The following ABCG1 variants were observed in gnomAD, a reference collection of about 807,000 sequenced individuals.
ABCG1 encodes the protein ATP binding cassette subfamily G member 1.
Under a neutral mutation model 69.2 loss-of-function variants are expected in ABCG1, and 29 were observed. The ratio of observed to expected loss-of-function variants is 0.42; its 90% CI spans 0.31 to 0.57. ABCG1 has a LOEUF of 0.57. ABCG1 is among the 20% of genes least tolerant of loss of function. The pLI is 0.15. For missense variants in ABCG1, 718 were observed against 898.1 expected (o/e 0.80, Z 2.56); for synonymous variants, 370 against 374.8 (o/e 0.99, Z 0.15).
At position 42,219,335 on chromosome 21, in the gene ABCG1, A is replaced by G; in HGVS notation, c.42+31A>G. 1 of 1,577,110 alleles carries G rather than the reference A, an allele frequency of 6.3e-7. No individual in the cohort carries two copies. Among genetic ancestry groups the G allele is most frequent in the Non-Finnish European group, 8.6e-7 (1 of 1,162,508 alleles). On this transcript the variant is annotated intron_variant, in intron 1 of 14. Transcript: ENST00000398449. The surrounding 1 kb of genome is among the most constrained non-coding windows in gnomAD (Gnocchi z 5.3). ...TGAGCGCATCCTTCGTCCGCCGGGAACGGTTTTATTTTCAAGGAGAGCAGG... is the reference window on the plus strand; with the variant it reads ...TGAGCGCATCCTTCGTCCGCCGGGAGCGGTTTTATTTTCAAGGAGAGCAGG...
chr21:42,290,783 A>G (rs889382947), intron 11 of ABCG1, among the ~76,000 whole-genome samples: 2 of 151,990 alleles, frequency 1.3e-5, no homozygotes, highest in African/African-American at 4.8e-5. Context: ...ACGTTGATGC[A>G]GAGTTTCAGA....
chr21:42,219,314 C>G lies in ABCG1; in HGVS notation c.42+10C>G, dbSNP rs950586467. ...GGTCGGCACCGCCATGGTGAGTGAG[C>G]GCATCCTTCGTCCGCCGGGAACGGT... On this transcript the variant is annotated intron_variant, in intron 1 of 14. Transcript: ENST00000398449. The surrounding 1 kb of genome is among the most constrained non-coding windows in gnomAD (Gnocchi z 5.3). 3.1e-5 allele frequency: 50 copies of G among 1,597,372 alleles called. No individual in the cohort carries two copies. The highest frequency in any genetic ancestry group is 4.2e-5 in the Non-Finnish European group (49 of 1,175,156).
At chr21:42,280,904 A>T (rs1314244696) in intron 5 of ABCG1, among the ~76,000 whole-genome samples, 2 of 152,116 alleles carry the variant, frequency 1.3e-5, no homozygotes, top group East Asian at 3.9e-4. Context: ...CACGCCCCCC[A>T]CCCACCAGCC....
At chr21:42,201,459 G>A (rs1282978134) in intron 1 of ABCG1, 6 of 579,166 alleles carry the variant, frequency 1.0e-5, no homozygotes, top group Admixed American at 6.3e-5. Context: ...CATTCCTAAC[G>A]GGCCACGGAC....
upstream of ABCG1, among the ~76,000 whole-genome samples, chr21:42,217,601 G>A (rs982236623): frequency 7.3e-5 from 11 of 151,522 alleles, no homozygotes; most frequent in Non-Finnish European, 1.6e-4. Context: ...CCTGGCACCC[G>A]GGCAGTGGCA....
intron 2 of ABCG1, among the ~76,000 whole-genome samples, chr21:42,243,766 T>C (rs2068089680): frequency 6.7e-6 from 1 of 150,298 alleles, no homozygotes; most frequent in African/African-American, 2.4e-5. Context: ...AGTTTCTATC[T>C]AAACTAGTAA....
rs2069222268 is a variant in ABCG1 at position 42,296,871 on chromosome 21, T to A, written c.*479T>A. 6.0e-6 allele frequency: 1 copy of A among 168,034 alleles called. No homozygotes were observed. The highest frequency in any genetic ancestry group is 2.4e-5 in the African/African-American group (1 of 41,918). The allele number at this position is 168,034 out of a possible 1,614,324, so 10.4% of individuals were successfully genotyped here. ...CTGTTGTTTTTCACATTTTCATCTT[T>A]CTAAGGTGTGTCTCTTTTCCAATGA... On this transcript the variant is annotated 3_prime_UTR_variant, in exon 15 of 15. Coordinates refer to ENST00000398449, the MANE Select transcript of ABCG1 (RefSeq NM_016818.3). This position sits in a 1 kb window ranked among gnomAD's most constrained non-coding sequence, Gnocchi z 5.4.
chr21:42,225,952 G>T, intron 2 of ABCG1, 38 bp downstream of exon 2: 2 of 1,600,154 alleles, frequency 1.2e-6, no homozygotes, highest in Non-Finnish European at 1.7e-6. Flanking sequence ...AAGCTGGGAG[G>T]AGCCTCTGAA....
At chr21:42,271,209 G>T in intron 3 of ABCG1, 22 bp downstream of exon 3, 1 of 1,468,650 alleles carries the variant, frequency 6.8e-7, no homozygotes, top group Non-Finnish European at 9.1e-7. Context: ...TGCCCAGGGC[G>T]CAAAGTTCTC....
In ABCG1 at chr21:42,282,266, G is replaced by GC. The variant is rs779721859; in HGVS notation, c.589-3dup. 3.7e-6 allele frequency: 6 copies of GC among 1,609,834 alleles called. No homozygotes were observed. Among genetic ancestry groups the GC allele is most frequent in the Non-Finnish European group, 5.1e-6 (6 of 1,178,992 alleles). The stretch of plus-strand genomic sequence containing the variant: ...AGCTCCCAATGTCTCTCGTTCTGTT[G>GC]CCCCCAGGTCAAGGAGATACTGACA... On this transcript the variant is annotated splice_polypyrimidine_tract_variant and splice_region_variant and intron_variant, in intron 5 of 14. Coordinates refer to ENST00000398449, the MANE Select transcript of ABCG1 (RefSeq NM_016818.3).
intron 2 of ABCG1, among the ~76,000 whole-genome samples, chr21:42,203,301 A>G (rs1185788789): frequency 6.6e-6 from 1 of 151,968 alleles, no homozygotes; most frequent in Non-Finnish European, 1.5e-5. Flanking sequence ...CAGAGTCAAC[A>G]TTTTTCATTT....
chr21:42,290,437 A>G (rs1293568877), intron 11 of ABCG1, among the ~76,000 whole-genome samples: 1 of 152,266 alleles, frequency 6.6e-6, no homozygotes, highest in Non-Finnish European at 1.5e-5. Context: ...CCCAAATGGA[A>G]GACTTTTAAG....
chr21:42,255,082 G>A (rs907214511), intron 2 of ABCG1, among the ~76,000 whole-genome samples: 4 of 152,242 alleles, frequency 2.6e-5, no homozygotes, highest in East Asian at 1.9e-4. Flanking sequence ...CCTGGAAAAA[G>A]ACCAGTTCTG....
intron 1 of ABCG1, among the ~76,000 whole-genome samples, chr21:42,224,382 TG>T (rs1272985745): frequency 6.6e-6 from 1 of 152,140 alleles, no homozygotes; most frequent in Non-Finnish European, 1.5e-5. Context: ...GTCGCTCCCT[TG>T]GAGTCTGCAT....
At chr21:42,280,191 G>A (rs965743125) in intron 5 of ABCG1, among the ~76,000 whole-genome samples, 1 of 152,214 alleles carries the variant, frequency 6.6e-6, no homozygotes, top group Non-Finnish European at 1.5e-5. Flanking sequence ...CCACCATCAG[G>A]ATTGCTTCAG....
intron 2 of ABCG1, chr21:42,259,411 T>C: frequency 1.9e-6 from 3 of 1,550,056 alleles, no homozygotes; most frequent in Non-Finnish European, 2.6e-6. Context: ...ATCGAAAATG[T>C]CTGTGATTCA....
At chr21:42,286,796 G>A (rs2068949192) in intron 8 of ABCG1, among the ~76,000 whole-genome samples, 1 of 152,192 alleles carries the variant, frequency 6.6e-6, no homozygotes, top group South Asian at 2.1e-4. Context: ...GGAGAGATGA[G>A]GGCATTCCCT....
chr21:42,271,098 C>T lies in ABCG1; in HGVS notation c.315C>T (p.Ser105=), dbSNP rs191666990. The T allele has an allele frequency of 2.1e-4, 333 of 1,560,940 alleles. No individual in the cohort carries two copies. The highest frequency in any genetic ancestry group is 2.7e-4 in the Non-Finnish European group (308 of 1,157,798). ...ACAAGACCCTCCTGAAAGGAATTTC[C>T]GGGAAGTTCAATAGTGGTGAGTTGG... The part of the protein sequence containing the change: ...KGYKTLLKGI[S]GKFNSGELVA... The change falls in exon 3 of 15, where the codon TCC becomes TCT. Residue 105 remains serine, a synonymous_variant. Transcript: ENST00000398449.
chr21:42,277,905 T>C (rs1208215218), intron 5 of ABCG1, among the ~76,000 whole-genome samples: 3 of 152,176 alleles, frequency 2.0e-5, no homozygotes, highest in African/African-American at 7.2e-5. Context: ...TAAGTAAATG[T>C]AAACCACTTT....
Sources: allele counts gnomAD v4.1 joint callset (sites outside exome capture counted in the v4.1 genomes callset), GRCh38; gene constraint gnomAD v4.1.1; non-coding constraint Gnocchi (gnomAD v3.1); transcripts MANE v1.5; gene names NCBI Gene and HGNC (gene_info 2026-07-23, HGNC 2026-07-21).